Variants in SLC30A5 observed in about 807,000 individuals in gnomAD.
SLC30A5 encodes solute carrier family 30 member 5.
SLC30A5 carries 33 observed loss-of-function variants against 79.6 expected under a neutral mutation model. The observed-to-expected ratio is 0.41, with a 90% CI of 0.31 to 0.55. The LOEUF (loss-of-function observed/expected upper bound fraction) is 0.55, where lower values mean the gene tolerates loss of function less well. SLC30A5 is among the 20% of genes least tolerant of loss of function. SLC30A5 has a pLI of 0.20. For missense variants in SLC30A5, 788 were observed against 928.1 expected (o/e 0.85, Z 1.96); for synonymous variants, 299 against 319.7 (o/e 0.94, Z 0.69).
chr5:69,115,944 T>A lies in SLC30A5; in HGVS notation c.802T>A (p.Phe268Ile), dbSNP rs762811913. 6.2e-6 allele frequency: 10 copies of A among 1,610,428 alleles called. No individual in the cohort carries two copies. The Admixed American group carries it at 1.5e-4, about 24-fold the overall frequency. Residue 268 changes from phenylalanine to isoleucine, a missense_variant, in exon 9 of 16, where the codon TTT becomes ATT. By Grantham distance (21) the Phe-to-Ile change is conservative. This residue lies in a region of SLC30A5 where 626 missense variants were observed against 755.5 expected (regional missense o/e 0.83). Coordinates refer to ENST00000396591, the MANE Select transcript of SLC30A5 (RefSeq NM_022902.5). ...VTTESKVESW[F>I]SLIMPFATVI... ...TTTCTAGAGTAAAGTGGAGTCTTGG[T>A]TTTCTCTCATTATGCCTTTTGCAAC...
chr5:69,104,271 G>A (rs1362705440), intron 3 of SLC30A5: 1 of 515,120 alleles, frequency 1.9e-6, no homozygotes, highest in Admixed American at 4.6e-5. Context: ...CTGAGTAGCT[G>A]GAATTACAGG....
At chr5:69,123,595 G>C in intron 14 of SLC30A5, 170 bp downstream of exon 14, 1 of 579,834 alleles carries the variant, frequency 1.7e-6, no homozygotes, top group East Asian at 2.9e-5. Context: ...AAATATGCAA[G>C]ATATAAATGA....
At chr5:69,113,055 GT>G in intron 5 of SLC30A5, 84 bp from the exon 6 acceptor site, 1 of 1,066,536 alleles carries the variant, frequency 9.4e-7, no homozygotes, top group Non-Finnish European at 1.4e-6. Context: ...TTGAGAAAAT[GT>G]TTTTCTTTAG....
intron 1 of SLC30A5, among the ~76,000 whole-genome samples, chr5:69,096,534 C>T (rs983661213): frequency 6.6e-6 from 1 of 152,052 alleles, no homozygotes; most frequent in Non-Finnish European, 1.5e-5. Context: ...TTCCAGGTTG[C>T]AAGAGTAAAG....
intron 14 of SLC30A5, 130 bp downstream of exon 14, chr5:69,123,555 A>G (rs1287294818): frequency 1.5e-6 from 1 of 670,212 alleles, no homozygotes; most frequent in Non-Finnish European, 2.5e-6. Flanking sequence ...ATAAAGTAGC[A>G]TTTAAAATTT....
Position 69,098,456 on chromosome 5 carries a change from TTCAA to T in SLC30A5, c.84-2346_84-2343del, listed in dbSNP as rs1359823328. Among the ~76,000 whole-genome samples, 17 of 151,640 alleles carry T rather than the reference TTCAA, an allele frequency of 1.1e-4. No individual in the cohort carries two copies. The East Asian group carries it at 3.1e-3, about 28-fold the overall frequency. On this transcript the variant is annotated intron_variant, in intron 1 of 15. Transcript: ENST00000396591. ...CAGGAGAATTGCTTGAACCCGGGGG[TTCAA>T]TCAAAGAAAATTCCCTGGTTCTCTA...
intron 14 of SLC30A5, among the ~76,000 whole-genome samples, chr5:69,124,988 G>A (rs1746636621): frequency 6.6e-6 from 1 of 152,218 alleles, no homozygotes; most frequent in African/African-American, 2.4e-5. Context: ...GCCAGTTGGT[G>A]GAAGATTTCA....
At chr5:69,124,314 G>C (rs1746617689) in intron 14 of SLC30A5, among the ~76,000 whole-genome samples, 1 of 151,846 alleles carries the variant, frequency 6.6e-6, no homozygotes, top group African/African-American at 2.4e-5. Flanking sequence ...AAGAATTATG[G>C]TATGTAATGT....
chr5:69,113,110 C>A, intron 5 of SLC30A5, 30 bp from the exon 6 acceptor site: 2 of 1,572,008 alleles, frequency 1.3e-6, no homozygotes, highest in South Asian at 2.3e-5. Context: ...TTGAAAAAGT[C>A]ATCCTTGATG....
intron 4 of SLC30A5, among the ~76,000 whole-genome samples, chr5:69,106,738 G>A (rs1257494088): frequency 6.6e-6 from 1 of 152,150 alleles, no homozygotes; most frequent in Non-Finnish European, 1.5e-5. Context: ...GGAGGTAGAA[G>A]CTTAACCTTA....
chr5:69,118,559 G>A lies in SLC30A5; in HGVS notation c.1500G>A (p.Ala500=), dbSNP rs199655047. The A allele has an allele frequency of 7.2e-5, 115 of 1,603,048 alleles. No individual in the cohort carries two copies. In the East Asian group the frequency reaches 2.2e-3, roughly 31 times the overall value. ...ATGGACTTTTTCTAATAGTAATAGC[G>A]TTTTTTGTGTTTATGGAGTCAGTGG... ...FINGLFLIVI[A]FFVFMESVAR... The change falls in exon 12 of 16, where the codon GCG becomes GCA. Residue 500 remains alanine (A), a synonymous_variant. Transcript: ENST00000396591.
In SLC30A5 at chr5:69,129,523, T is replaced by C. The variant is rs1746794291; in HGVS notation, c.2204T>C (p.Met735Thr). 6.2e-7 allele frequency: 1 copy of C among 1,613,570 alleles called. No homozygotes were observed. Among genetic ancestry groups the C allele is most frequent in the East Asian group, 2.2e-5 (1 of 44,798 alleles). ...GAAAAGGAGGCATACTTTCAACATA[T>C]GTCTGGCCTAAGTACTGGATTTCAT... Reference protein sequence around the residue: ...QVEKEAYFQHMSGLSTGFHDV... With the variant: ...QVEKEAYFQHTSGLSTGFHDV... Residue 735 changes from methionine (M) to threonine (T), a missense_variant, in exon 16 of 16, where the codon ATG (methionine) becomes ACG (threonine). By Grantham distance (81) the Met-to-Thr change is moderately conservative. Transcript: ENST00000396591.
intron 13 of SLC30A5, 107 bp from the exon 14 acceptor site, chr5:69,123,092 C>G: frequency 1.5e-6 from 1 of 680,684 alleles, no homozygotes; most frequent in Non-Finnish European, 2.4e-6. Context: ...TAGCCAGTAG[C>G]AGAGTATGTG....
At chr5:69,100,332 T>C (rs1275887424) in intron 1 of SLC30A5, among the ~76,000 whole-genome samples, 2 of 152,186 alleles carry the variant, frequency 1.3e-5, no homozygotes, top group African/African-American at 4.8e-5. Context: ...CACAGCTCAC[T>C]GCAACCTCAA....
Position 69,121,809 on chromosome 5 carries a change from A to G in SLC30A5, c.1685A>G (p.His562Arg). The change falls in exon 13 of 16, where the codon CAT becomes CGT. Residue 562 changes from histidine to arginine, a missense_variant. Physicochemically the swap from His to Arg is conservative, Grantham distance 29. Coordinates refer to ENST00000396591, the MANE Select transcript of SLC30A5 (RefSeq NM_022902.5). ...AGCTGTCACTCATCTGATCACAGCC[A>G]TTCACACCATATGCATGGACACAGT... ...QGSCHSSDHS[H>R]SHHMHGHSDH... 3 of 1,613,326 alleles carry G rather than the reference A, an allele frequency of 1.9e-6. No homozygotes were observed. The highest frequency in any genetic ancestry group is 1.7e-6 in the Non-Finnish European group (2 of 1,179,584).
At position 69,123,438 on chromosome 5, in the gene SLC30A5, A is replaced by G; in HGVS notation, c.1998+13A>G. 1.9e-6 allele frequency: 3 copies of G among 1,576,172 alleles called. No individual in the cohort carries two copies. The highest frequency in any genetic ancestry group is 2.6e-6 in the Non-Finnish European group (3 of 1,146,640). ...TGCTTTAGAAAAGGTACTGTATGTA[A>G]TTTCTTCACTACTTTCTTCCTTGAA... is the stretch of plus-strand genomic sequence containing the variant. On this transcript the variant is annotated intron_variant, in intron 14 of 15. Transcript: ENST00000396591.
intron 2 of SLC30A5, 92 bp downstream of exon 2, chr5:69,101,021 AT>A: frequency 7.9e-7 from 1 of 1,266,540 alleles, no homozygotes; most frequent in Non-Finnish European, 1.1e-6. Flanking sequence ...TACATACAAT[AT>A]TTTGTTTGTT....
rs1746791370 is a variant in SLC30A5 at position 69,129,453 on chromosome 5, G to A, written c.2134G>A (p.Gly712Arg). 1 of 1,610,160 alleles carries A rather than the reference G, an allele frequency of 6.2e-7. No individual in the cohort carries two copies. Among genetic ancestry groups the A allele is most frequent in the Admixed American group, 1.7e-5 (1 of 59,632 alleles). ...ATCTGGATTTTTATAACAGGTTACA[G>A]GAATACTTAAAGATGCTGGAGTAAA... is the stretch of plus-strand genomic sequence containing the variant. ...LEQRIVQQVT[G>R]ILKDAGVNNL... The change falls in exon 16 of 16, where the codon GGA (glycine) becomes AGA (arginine). Residue 712 changes from glycine (G) to arginine (R), a missense_variant. Gly to Arg is a moderately radical substitution (Grantham distance 125, BLOSUM62 -2). Coordinates refer to ENST00000396591, the MANE Select transcript of SLC30A5 (RefSeq NM_022902.5).
In SLC30A5 at chr5:69,118,388, T is replaced by C. The variant is rs562988145; in HGVS notation, c.1440-111T>C. ...TATTTAAAATATTGCTAATTTTCTA[T>C]TATTAATTACTTAGTAGTATGAAAA... On this transcript the variant is annotated intron_variant, in intron 11 of 15. Transcript: ENST00000396591. The C allele has an allele frequency of 9.3e-5, 60 of 647,006 alleles. 1 individual carries two copies. The South Asian group carries it at 1.3e-3, about 14-fold the overall frequency. The allele number at this position is 647,006 out of a possible 1,614,324, so 40.1% of individuals were successfully genotyped here.
Sources: allele counts gnomAD v4.1 joint callset (sites outside exome capture counted in the v4.1 genomes callset), GRCh38; gene constraint gnomAD v4.1.1; regional missense constraint gnomAD v4.1.1; transcripts MANE v1.5; gene names NCBI Gene and HGNC (gene_info 2026-07-23, HGNC 2026-07-21).